Variants in PPP2R2C observed in about 807,000 individuals in gnomAD.
PPP2R2C encodes the protein protein phosphatase 2 regulatory subunit Bgamma.
PPP2R2C carries 10 observed loss-of-function variants against 45.3 expected under a neutral mutation model. The ratio of observed to expected loss-of-function variants is 0.22; its 90% CI spans 0.14 to 0.37. The LOEUF (loss-of-function observed/expected upper bound fraction) is 0.37. Ranked by LOEUF, PPP2R2C falls within the 10% of genes least tolerant of loss-of-function variation. The pLI is 1.00. For missense variants in PPP2R2C, 308 were observed against 619.7 expected (o/e 0.50, Z 5.34); for synonymous variants, 257 against 245.4 (o/e 1.05, Z -0.44).
chr4:6,333,535 T>A (rs372820203), intron 7 of PPP2R2C, 27 bp downstream of exon 7: 275 of 1,605,694 alleles, frequency 1.7e-4, no homozygotes, highest in Non-Finnish European at 2.2e-4. Flanking sequence ...AGACCCGGGA[T>A]TGGGGGTCTC....
chr4:6,507,555 A>C (rs530198315), intron 2 of PPP2R2C, among the ~76,000 whole-genome samples: 1 of 152,346 alleles, frequency 6.6e-6, no homozygotes, highest in South Asian at 2.1e-4. Context: ...TGTTCTAACC[A>C]GCTCAGCTGA....
At chr4:6,519,895 G>T (rs1723958940) in intron 2 of PPP2R2C, among the ~76,000 whole-genome samples, 1 of 129,078 alleles carries the variant, frequency 7.7e-6, no homozygotes, top group African/African-American at 3.0e-5. Flanking sequence ...GAGGGTGTGG[G>T]CTTGCAGTCA....
intron 2 of PPP2R2C, among the ~76,000 whole-genome samples, chr4:6,525,460 A>C (rs948111147): frequency 6.6e-6 from 1 of 151,804 alleles, no homozygotes; most frequent in African/African-American, 2.4e-5. Context: ...CCAGATGACT[A>C]AATGGACCCC....
intron 1 of PPP2R2C, among the ~76,000 whole-genome samples, chr4:6,423,317 C>G (rs1577171317): frequency 6.6e-6 from 1 of 152,206 alleles, no homozygotes; most frequent in South Asian, 2.1e-4. Context: ...AATTCTCCTG[C>G]CTCAGCCTCC....
intron 1 of PPP2R2C, among the ~76,000 whole-genome samples, chr4:6,441,694 G>T (rs1210505145): frequency 6.6e-6 from 1 of 152,204 alleles, no homozygotes; most frequent in African/African-American, 2.4e-5. Flanking sequence ...CCAGTGAGGG[G>T]CAAAGGAGCC....
intron 5 of PPP2R2C, among the ~76,000 whole-genome samples, chr4:6,351,952 T>C (rs187451444): frequency 2.4e-4 from 37 of 152,256 alleles, no homozygotes; most frequent in Non-Finnish European, 4.9e-4. Context: ...CCAAGTGGGG[T>C]GGCCCCTGTT....
At chr4:6,467,946 T>G (rs1010016408) in intron 1 of PPP2R2C, among the ~76,000 whole-genome samples, 7 of 152,170 alleles carry the variant, frequency 4.6e-5, no homozygotes, top group African/African-American at 1.7e-4. Context: ...TGGTTCTCCC[T>G]ACTTTCCACT....
chr4:6,563,158 G>A lies in PPP2R2C; in HGVS notation c.-59+402C>T, dbSNP rs1021311811. On this transcript the variant is annotated intron_variant, in intron 1 of 9. Coordinates refer to the PPP2R2C transcript ENST00000506140. The surrounding 1 kb of genome is among the most constrained non-coding windows in gnomAD (Gnocchi z 5.8). ...CCCGCACCTTCAGCCGGGCAGCGAGGGGGGGCTCGAGCGCGCCGGTTCTCG... is the reference window on the plus strand; with the variant it reads ...CCCGCACCTTCAGCCGGGCAGCGAGAGGGGGCTCGAGCGCGCCGGTTCTCG... Among the ~76,000 whole-genome samples, 1 of 152,160 alleles carries A rather than the reference G, an allele frequency of 6.6e-6. No homozygotes were observed. Among genetic ancestry groups the A allele is most frequent in the African/African-American group, 2.4e-5 (1 of 41,434 alleles).
chr4:6,396,403 A>G (rs1266290451), intron 1 of PPP2R2C, among the ~76,000 whole-genome samples: 2 of 152,198 alleles, frequency 1.3e-5, no homozygotes, highest in Admixed American at 6.5e-5. Context: ...GAGCAAACAG[A>G]GGCACATTCA....
At chr4:6,420,081 AGAACTATATTC>A (rs1718860584) in intron 1 of PPP2R2C, among the ~76,000 whole-genome samples, 2 of 152,220 alleles carry the variant, frequency 1.3e-5, no homozygotes, top group African/African-American at 4.8e-5. Context: ...CATCCTCTGG[AGAACTATATTC>A]TCAGAGGTAC....
At chr4:6,554,872 A>G (rs1180542296) in intron 1 of PPP2R2C, among the ~76,000 whole-genome samples, 4 of 148,746 alleles carry the variant, frequency 2.7e-5, no homozygotes, top group African/African-American at 9.9e-5. Flanking sequence ...AAAAAAAAAA[A>G]AGAAAAAGAA....
intron 1 of PPP2R2C, among the ~76,000 whole-genome samples, chr4:6,461,573 A>G (rs1721321796): frequency 6.6e-6 from 1 of 152,230 alleles, no homozygotes; most frequent in Admixed American, 6.5e-5. Context: ...GGGAGCTGAC[A>G]GATGAGAAGG....
intron 1 of PPP2R2C, among the ~76,000 whole-genome samples, chr4:6,430,244 A>C (rs1003734011): frequency 4.6e-5 from 7 of 151,906 alleles, no homozygotes; most frequent in African/African-American, 1.7e-4. Flanking sequence ...GTCCTGCCTG[A>C]CCCCCATGAA....
In PPP2R2C at chr4:6,383,334, C is replaced by T; in HGVS notation, c.71-2240G>A. Reference sequence around the variant, plus strand: ...AGCCCAGACCACAGAATCGCAGATGCAAGATGATGAAAACATTTACTGTTG... The same window carrying T: ...AGCCCAGACCACAGAATCGCAGATGTAAGATGATGAAAACATTTACTGTTG... On this transcript the variant is annotated intron_variant, in intron 1 of 8. Coordinates refer to ENST00000382599, the MANE Select transcript of PPP2R2C (RefSeq NM_020416.4). 2.3e-6 allele frequency: 3 copies of T among 1,287,726 alleles called. No individual in the cohort carries two copies. The South Asian group carries it at 3.7e-5, about 16-fold the overall frequency. 79.8% of individuals were successfully genotyped at this position (1,287,726 alleles called of 1,614,324 possible).
intron 1 of PPP2R2C, among the ~76,000 whole-genome samples, chr4:6,404,316 A>G (rs534726793): frequency 3.2e-4 from 48 of 152,302 alleles, no homozygotes; most frequent in Non-Finnish European, 5.4e-4. Flanking sequence ...GGGCAGGCAC[A>G]CAGAGGCGCC....
intron 1 of PPP2R2C, among the ~76,000 whole-genome samples, chr4:6,559,394 AGCACACACACAC>A (rs1388079443): frequency 8.1e-6 from 1 of 124,006 alleles, no homozygotes; most frequent in East Asian, 3.3e-4. Context: ...AAAAATACAC[AGCACACACACAC>A]ACACACACAC....
chr4:6,460,688 T>C lies in PPP2R2C; in HGVS notation c.70+11472A>G, dbSNP rs149379114. Among the ~76,000 whole-genome samples the C allele has an allele frequency of 1.8e-3, 274 of 152,330 alleles. 1 individual carries two copies. The highest frequency in any genetic ancestry group is 6.4e-3 in the African/African-American group (264 of 41,566). On this transcript the variant is annotated intron_variant, in intron 1 of 8. Transcript: ENST00000382599. The stretch of plus-strand genomic sequence containing the variant: ...GTATACCCATAGGCAAAAACACATA[T>C]ACCAAAATATTTTCAGTGGTAGGAT...
chr4:6,482,977 G>A (rs561733827), intron 2 of PPP2R2C, among the ~76,000 whole-genome samples: 19 of 46,562 alleles, frequency 4.1e-4, no homozygotes, highest in African/African-American at 1.1e-3. Flanking sequence ...TTTGTTTTGT[G>A]GTATCTATTA....
At chr4:6,354,103 C>A (rs1712909368) in intron 5 of PPP2R2C, among the ~76,000 whole-genome samples, 1 of 150,948 alleles carries the variant, frequency 6.6e-6, no homozygotes, top group Non-Finnish European at 1.5e-5. Context: ...ACCCCTTGCG[C>A]TCTGCCCCTC....
Sources: gnomAD v4.1 joint callset for allele counts (sites outside exome capture counted in the v4.1 genomes callset) on GRCh38, gnomAD v4.1.1 for gene constraint, Gnocchi (gnomAD v3.1) non-coding constraint, MANE v1.5 for transcripts, NCBI Gene and HGNC (gene_info 2026-07-23, HGNC 2026-07-21) for gene names.